Variants in ASTN2 observed in about 807,000 individuals in gnomAD.
ASTN2 encodes the protein astrotactin 2.
ASTN2 carries 54 observed loss-of-function variants against 139.8 expected under a neutral mutation model. The observed-to-expected ratio is 0.39, with a 90% CI of 0.31 to 0.48. ASTN2 has a LOEUF of 0.48. ASTN2 is among the 20% of genes least tolerant of loss of function. The pLI, the probability that ASTN2 is intolerant of heterozygous loss-of-function variation, is 0.95. For synonymous variants in ASTN2, 756 were observed against 719.5 expected, an observed-to-expected ratio of 1.05 and a Z score of -0.81; for missense variants, 1,565 against 1,725.1, an observed-to-expected ratio of 0.91 and a Z score of 1.64.
intron 3 of ASTN2, chr9:117,180,833 C>A: frequency 6.4e-7 from 1 of 1,551,652 alleles, no homozygotes; most frequent in South Asian, 1.1e-5. Context: ...TTGGTGAAGC[C>A]CCACTTCTTT....
intron 1 of ASTN2, among the ~76,000 whole-genome samples, chr9:117,378,474 C>A (rs564965493): frequency 6.6e-5 from 10 of 152,202 alleles, no homozygotes; most frequent in Non-Finnish European, 1.5e-4. Context: ...CCACACTGAG[C>A]CTTTGACTCC....
At chr9:117,015,867 T>C (rs1348330325) in intron 6 of ASTN2, among the ~76,000 whole-genome samples, 1 of 152,180 alleles carries the variant, frequency 6.6e-6, no homozygotes, top group Non-Finnish European at 1.5e-5. Context: ...TTATGCTAGT[T>C]ATATATCTAA....
At chr9:116,527,680 A>C (rs4836737) in intron 19 of ASTN2, among the ~76,000 whole-genome samples, 140,753 of 152,210 alleles carry the variant, frequency 0.92, 65,134 homozygotes, top group Admixed American at 0.94. Context: ...GTGTCCCCAC[A>C]CAAATCTCAT....
At chr9:116,673,771 T>C (rs1177089954) in intron 16 of ASTN2, among the ~76,000 whole-genome samples, 1 of 152,114 alleles carries the variant, frequency 6.6e-6, no homozygotes, top group Non-Finnish European at 1.5e-5. Context: ...ACACCTTAAT[T>C]TGAGTTTTCT....
intron 19 of ASTN2, among the ~76,000 whole-genome samples, chr9:116,552,743 T>C (rs1329204615): frequency 6.6e-6 from 1 of 152,082 alleles, no homozygotes; most frequent in East Asian, 1.9e-4. Context: ...AAAGCAAAAA[T>C]AAAGATCCCA....
In ASTN2 at chr9:117,089,336, G is replaced by T. The variant is rs112682980; in HGVS notation, c.1276+6708C>A. Among the ~76,000 whole-genome samples the T allele has an allele frequency of 9.1e-3, 1,391 of 152,280 alleles. 25 individuals are homozygous for T. Among genetic ancestry groups the T allele is most frequent in the African/African-American group, 0.032 (1,309 of 41,532 alleles). ...TGCTCTATGGAGTACTATCTCCGAT[G>T]AATATATGTTAAATTCTTCCCACTA... On this transcript the variant is annotated intron_variant, in intron 5 of 22. Transcript: ENST00000313400.
At chr9:116,720,417 C>G (rs1021572653) in intron 16 of ASTN2, among the ~76,000 whole-genome samples, 2 of 152,208 alleles carry the variant, frequency 1.3e-5, no homozygotes, top group Admixed American at 6.5e-5. Flanking sequence ...GTCACCTAGG[C>G]AGTACACTTG....
intron 10 of ASTN2, among the ~76,000 whole-genome samples, chr9:116,915,001 T>A (rs895162467): frequency 8.5e-5 from 13 of 152,142 alleles, no homozygotes; most frequent in African/African-American, 3.1e-4. Flanking sequence ...GCCTTCAAAT[T>A]CACACAGGAG....
chr9:116,588,555 G>C (rs1854251917), intron 19 of ASTN2, among the ~76,000 whole-genome samples: 1 of 152,074 alleles, frequency 6.6e-6, no homozygotes, highest in Non-Finnish European at 1.5e-5. Context: ...AGTTAAAACT[G>C]GAAACCACTT....
At chr9:116,766,844 AAC>A (rs1379196520) in intron 13 of ASTN2, among the ~76,000 whole-genome samples, 1 of 151,418 alleles carries the variant, frequency 6.6e-6, no homozygotes, top group African/African-American at 2.4e-5. Flanking sequence ...CTCACACACA[AAC>A]ACATATCTTC....
intron 3 of ASTN2, among the ~76,000 whole-genome samples, chr9:117,143,566 A>G (rs1830123693): frequency 6.6e-6 from 1 of 152,248 alleles, no homozygotes. Context: ...ATTTACAGAA[A>G]AAAACATTAC....
intron 3 of ASTN2, among the ~76,000 whole-genome samples, chr9:117,203,106 T>C (rs1831784482): frequency 6.6e-6 from 1 of 151,360 alleles, no homozygotes; most frequent in African/African-American, 2.4e-5. Context: ...TCTGATATCC[T>C]TTCTTCTGCT....
chr9:116,876,855 A>G (rs530907033), intron 10 of ASTN2, among the ~76,000 whole-genome samples: 11 of 152,358 alleles, frequency 7.2e-5, no homozygotes, highest in African/African-American at 2.4e-4. Context: ...ACTAGGAAAC[A>G]AAAGTATTTG....
At chr9:116,621,789 TA>T in intron 17 of ASTN2, among the ~76,000 whole-genome samples, 1 of 152,220 alleles carries the variant, frequency 6.6e-6, no homozygotes, top group Non-Finnish European at 1.5e-5. Flanking sequence ...TAGTTGGCAG[TA>T]AAGAGAACTT....
chr9:117,104,049 C>T (rs1167224592), intron 4 of ASTN2, among the ~76,000 whole-genome samples: 3 of 152,196 alleles, frequency 2.0e-5, no homozygotes, highest in Admixed American at 6.5e-5. Context: ...GGTGGAGCTC[C>T]TTACTTGTGG....
At chr9:116,467,477 G>C (rs1324555106) in intron 20 of ASTN2, among the ~76,000 whole-genome samples, 1 of 152,192 alleles carries the variant, frequency 6.6e-6, no homozygotes, top group Non-Finnish European at 1.5e-5. Flanking sequence ...ATGTTGGCCA[G>C]GATGGTCTCA....
At chr9:116,870,986 C>T (rs61539844) in intron 10 of ASTN2, among the ~76,000 whole-genome samples, 14 of 152,270 alleles carry the variant, frequency 9.2e-5, no homozygotes, top group African/African-American at 3.4e-4. Flanking sequence ...AGGGCAGGCA[C>T]GGTGCCTCAC....
chr9:116,776,487 C>T (rs545091923), intron 13 of ASTN2, among the ~76,000 whole-genome samples: 33 of 152,280 alleles, frequency 2.2e-4, no homozygotes, highest in African/African-American at 7.9e-4. Flanking sequence ...TCCAAGTGTC[C>T]GCGCTTGAAA....
At chr9:116,889,236 A>G (rs1369279893) in intron 10 of ASTN2, among the ~76,000 whole-genome samples, 1 of 152,156 alleles carries the variant, frequency 6.6e-6, no homozygotes, top group African/African-American at 2.4e-5. Context: ...AAAGAAGAGG[A>G]AAAAAGAAGG....
Sources: allele counts gnomAD v4.1 joint callset (sites outside exome capture counted in the v4.1 genomes callset), GRCh38; gene constraint gnomAD v4.1.1; transcripts MANE v1.5; gene names NCBI Gene and HGNC (gene_info 2026-07-23, HGNC 2026-07-21).